ABCC1: variants seen among roughly 807,000 people sequenced by gnomAD.
ABCC1 encodes ATP binding cassette subfamily C member 1 (ABCC1 blood group).
Under a neutral mutation model 172.9 loss-of-function variants are expected in ABCC1, and 83 were observed. That is an observed-to-expected ratio of 0.48 (90% confidence interval 0.40 to 0.58). ABCC1 has a LOEUF of 0.58. ABCC1 is among the 20% of genes least tolerant of loss of function. The pLI, the probability that ABCC1 is intolerant of heterozygous loss-of-function variation, is 0.00. For missense variants in ABCC1, 1,817 were observed against 2,002.7 expected (o/e 0.91, Z 1.77); for synonymous variants, 937 against 825.2 (o/e 1.14, Z -2.32).
chr16:16,090,228 T>A (rs1567391656), intron 18 of ABCC1, among the ~76,000 whole-genome samples, 177 bp from the exon 19 acceptor site: 1 of 152,176 alleles, frequency 6.6e-6, no homozygotes, highest in Non-Finnish European at 1.5e-5. Flanking sequence ...TACAGGACCG[T>A]GTGCACAGGT....
intron 20 of ABCC1, among the ~76,000 whole-genome samples, chr16:16,105,878 CTTT>C (rs574151579): frequency 1.6e-5 from 2 of 126,440 alleles, no homozygotes; most frequent in Non-Finnish European, 1.6e-5. Flanking sequence ...GCGAAAAGTG[CTTT>C]TTTTTTTTTT....
chr16:16,025,682 C>T (rs1412470577), intron 5 of ABCC1, among the ~76,000 whole-genome samples: 1 of 152,182 alleles, frequency 6.6e-6, no homozygotes, highest in East Asian at 1.9e-4. Flanking sequence ...AGAATCAGTG[C>T]CTGGGGCTGC....
chr16:16,007,750 C>G (rs902070243), intron 1 of ABCC1, 66 bp from the exon 2 acceptor site: 3 of 1,486,618 alleles, frequency 2.0e-6, no homozygotes, highest in Non-Finnish European at 2.7e-6. Flanking sequence ...TGGTTTCATG[C>G]TCCAGGCGAG....
chr16:16,066,289 C>T (rs1455805758), intron 12 of ABCC1, among the ~76,000 whole-genome samples: 1 of 152,058 alleles, frequency 6.6e-6, no homozygotes, highest in East Asian at 1.9e-4. Context: ...TCAAGCGATT[C>T]TCCTGCCTCA....
rs537179166 is a variant in ABCC1, at chr16:15,971,256, C to T, written c.48+21457C>T. On this transcript the variant is annotated intron_variant, in intron 1 of 30. Coordinates refer to ENST00000399410, the MANE Select transcript of ABCC1 (RefSeq NM_004996.4). ...CGCATGAAAAAGCTGGCCCTCCCAC[C>T]TAGCCTTTTAATATGCAAATGCAGG... 3.3e-5 allele frequency among the ~76,000 whole-genome samples: 5 copies of T among 152,304 alleles called. No individual in the cohort carries two copies. The South Asian group carries it at 1.0e-3, about 32-fold the overall frequency.
chr16:16,047,864 G>A (rs1165331765), intron 9 of ABCC1, among the ~76,000 whole-genome samples: 1 of 147,936 alleles, frequency 6.8e-6, no homozygotes, highest in African/African-American at 2.5e-5. Flanking sequence ...GGCCGCATGT[G>A]TGCACATTAA....
chr16:16,028,489 G>C (rs1272218167), intron 5 of ABCC1, among the ~76,000 whole-genome samples: 1 of 152,060 alleles, frequency 6.6e-6, no homozygotes, highest in Non-Finnish European at 1.5e-5. Flanking sequence ...CAGCACCTTG[G>C]TCTTTCACAG....
intron 1 of ABCC1, among the ~76,000 whole-genome samples, chr16:15,993,447 A>G (rs1359941115): frequency 6.6e-6 from 1 of 152,154 alleles, no homozygotes; most frequent in African/African-American, 2.4e-5. Context: ...GACTTGCTTT[A>G]GGGCAGCAGG....
At chr16:15,980,433 G>T (rs917186359) in intron 1 of ABCC1, among the ~76,000 whole-genome samples, 1 of 152,098 alleles carries the variant, frequency 6.6e-6, no homozygotes, top group Non-Finnish European at 1.5e-5. Context: ...CCACAGGGCT[G>T]GGGAGACCTC....
intron 26 of ABCC1, among the ~76,000 whole-genome samples, chr16:16,129,080 C>A (rs764459558): frequency 6.6e-6 from 1 of 152,160 alleles, no homozygotes; most frequent in South Asian, 2.1e-4. Context: ...AGAGAGAGGC[C>A]CCATTAGCAT....
chr16:16,124,407 G>A (rs1013309650), intron 24 of ABCC1, among the ~76,000 whole-genome samples: 8 of 149,706 alleles, frequency 5.3e-5, no homozygotes, highest in African/African-American at 1.2e-4. Flanking sequence ...GTGTGTGTGT[G>A]TGTATGTGTG....
intron 1 of ABCC1, among the ~76,000 whole-genome samples, chr16:15,952,179 C>T (rs1172886920): frequency 1.3e-5 from 2 of 152,180 alleles, no homozygotes; most frequent in African/African-American, 4.8e-5. Context: ...ATGAGTTAAT[C>T]TTGTAAGTGG....
intron 1 of ABCC1, among the ~76,000 whole-genome samples, chr16:15,984,739 C>CG: frequency 6.6e-6 from 1 of 152,114 alleles, no homozygotes. Flanking sequence ...CCACCGCGCC[C>CG]GGCCTATATA....
intron 25 of ABCC1, 141 bp downstream of exon 25, chr16:16,125,056 A>G (rs1054210406): frequency 9.6e-6 from 12 of 1,243,686 alleles, no homozygotes; most frequent in Non-Finnish European, 1.3e-5. Flanking sequence ...GTACAGTGCC[A>G]CAGTGCCTGG....
intron 7 of ABCC1, among the ~76,000 whole-genome samples, chr16:16,041,951 G>T (rs1249877997): frequency 6.6e-6 from 1 of 152,064 alleles, no homozygotes; most frequent in Non-Finnish European, 1.5e-5. Flanking sequence ...ACAAAAATTA[G>T]CCGGGTGTGG....
chr16:16,061,479 G>C (rs1228034891), intron 12 of ABCC1, among the ~76,000 whole-genome samples: 1 of 152,172 alleles, frequency 6.6e-6, no homozygotes, highest in Non-Finnish European at 1.5e-5. Flanking sequence ...GGTGACAATA[G>C]AAAATGGCTC....
chr16:16,020,743 C>T (rs770420923), intron 5 of ABCC1, among the ~76,000 whole-genome samples: 8 of 152,260 alleles, frequency 5.3e-5, no homozygotes, highest in Middle Eastern at 3.4e-3. Flanking sequence ...AAGGCAAGGA[C>T]GGGAATCGAC....
chr16:15,956,591 C>A (rs982021527), intron 1 of ABCC1, among the ~76,000 whole-genome samples: 1 of 152,082 alleles, frequency 6.6e-6, no homozygotes, highest in African/African-American at 2.4e-5. Context: ...CCTGCCTCGG[C>A]CTCCTAAAGT....
chr16:16,084,933 A>C (rs1272039212), intron 17 of ABCC1, among the ~76,000 whole-genome samples: 1 of 152,002 alleles, frequency 6.6e-6, no homozygotes, highest in African/African-American at 2.4e-5. Flanking sequence ...TAACTTGAGT[A>C]TTTTCTGTAT....
Sources: gnomAD v4.1 joint callset for allele counts (sites outside exome capture counted in the v4.1 genomes callset) on GRCh38, gnomAD v4.1.1 for gene constraint, MANE v1.5 for transcripts, NCBI Gene and HGNC (gene_info 2026-07-23, HGNC 2026-07-21) for gene names.